The following CDYL2 variants were observed in gnomAD, a reference collection of about 807,000 sequenced individuals.
CDYL2 encodes the protein chromodomain Y-like protein 2.
Under a neutral mutation model 49.4 loss-of-function variants are expected in CDYL2, and 23 were observed. The ratio of observed to expected loss-of-function variants is 0.47; its 90% CI spans 0.34 to 0.66. The LOEUF is 0.66. CDYL2 is among the 30% of genes least tolerant of loss of function. The pLI is 0.01. For synonymous variants in CDYL2, 360 were observed against 268.8 expected (o/e 1.34, Z -3.32); for missense variants, 678 against 656.4 (o/e 1.03, Z -0.36).
chr16:80,611,628 C>A (rs527351428), intron 5 of CDYL2, among the ~76,000 whole-genome samples: 1 of 152,342 alleles, frequency 6.6e-6, no homozygotes, highest in South Asian at 2.1e-4. Flanking sequence ...GACAGTGGAA[C>A]CAGCCAGTTC....
chr16:80,616,115 G>C (rs1906816158), intron 4 of CDYL2, among the ~76,000 whole-genome samples: 2 of 152,220 alleles, frequency 1.3e-5, no homozygotes, highest in African/African-American at 2.4e-5. Flanking sequence ...TGATGTGGCA[G>C]AAGGAGCAAC....
intron 1 of CDYL2, chr16:80,738,682 T>C (rs181634684): frequency 2.6e-5 from 4 of 152,346 alleles, no homozygotes; most frequent in Admixed American, 2.6e-4. Flanking sequence ...ATGCTACAAT[T>C]AACTGTGGTG....
chr16:80,778,094 T>G (rs1907149600), intron 1 of CDYL2, among the ~76,000 whole-genome samples: 1 of 151,968 alleles, frequency 6.6e-6, no homozygotes, highest in Non-Finnish European at 1.5e-5. Context: ...CAAAAATGAA[T>G]GTAATAAAAT....
intron 5 of CDYL2, among the ~76,000 whole-genome samples, chr16:80,609,755 T>G (rs990805709): frequency 6.6e-6 from 1 of 152,114 alleles, no homozygotes; most frequent in Admixed American, 6.5e-5. Flanking sequence ...AGTGCCCTCT[T>G]TGAAGAGAGA....
intron 1 of CDYL2, among the ~76,000 whole-genome samples, chr16:80,748,639 G>T (rs1051014441): frequency 6.8e-6 from 1 of 146,370 alleles, no homozygotes; most frequent in African/African-American, 2.5e-5. Flanking sequence ...AAGAATTCTT[G>T]TGAAGAATAA....
intron 1 of CDYL2, among the ~76,000 whole-genome samples, chr16:80,765,757 T>C (rs978086214): frequency 2.0e-5 from 2 of 97,950 alleles, no homozygotes; most frequent in African/African-American, 7.9e-5. Context: ...AAAAAGGGAA[T>C]GGGGGCTGTG....
At chr16:80,775,571 T>C (rs375869888) in intron 1 of CDYL2, among the ~76,000 whole-genome samples, 2 of 151,406 alleles carry the variant, frequency 1.3e-5, no homozygotes, top group South Asian at 2.1e-4. Context: ...ATATAACTAC[T>C]AGAACACTTA....
At chr16:80,625,429 T>C (rs886123513) in intron 3 of CDYL2, among the ~76,000 whole-genome samples, 26 of 152,208 alleles carry the variant, frequency 1.7e-4, no homozygotes, top group South Asian at 4.1e-4. Context: ...CCAGGTAGTC[T>C]AGAATACTCT....
At chr16:80,702,911 A>G (rs1295864859) in intron 1 of CDYL2, among the ~76,000 whole-genome samples, 1 of 152,132 alleles carries the variant, frequency 6.6e-6, no homozygotes, top group African/African-American at 2.4e-5. Context: ...AAATCAACAG[A>G]GCTCACCCAC....
At chr16:80,705,704 A>G (rs1048144346) in intron 1 of CDYL2, among the ~76,000 whole-genome samples, 2 of 152,280 alleles carry the variant, frequency 1.3e-5, no homozygotes, top group Non-Finnish European at 2.9e-5. Context: ...TGAAGGCCAC[A>G]TGGTCTCTGT....
intron 1 of CDYL2, among the ~76,000 whole-genome samples, chr16:80,795,369 G>C (rs1013647535): frequency 6.6e-6 from 1 of 152,144 alleles, no homozygotes; most frequent in African/African-American, 2.4e-5. Context: ...ATTTGGCAGC[G>C]GTGGCCTTTA....
intron 3 of CDYL2, among the ~76,000 whole-genome samples, chr16:80,621,374 C>G (rs1907076763): frequency 6.6e-6 from 1 of 152,270 alleles, no homozygotes. Flanking sequence ...CCTTGCTCAT[C>G]TTTCCTCCAG....
rs1906666005 is a variant in CDYL2 at position 80,612,882 on chromosome 16, T to G, written c.1008-46A>C. On this transcript the variant is annotated intron_variant, in intron 4 of 6. Coordinates refer to ENST00000570137, the MANE Select transcript of CDYL2 (RefSeq NM_152342.4). This position sits in a 1 kb window ranked among gnomAD's most constrained non-coding sequence, Gnocchi z 5.0. ...TCTTGAACAGGTGACTATAGCATGC[T>G]AAGCCCCACTGGAACCCTTGACTCT... 7 of 1,504,318 alleles carry G rather than the reference T, an allele frequency of 4.7e-6. No homozygotes were observed. Among genetic ancestry groups the G allele is most frequent in the Non-Finnish European group, 5.4e-6 (6 of 1,110,642 alleles). The allele number at this position is 1,504,318 out of a possible 1,614,324, so 93.2% of individuals were successfully genotyped here. A position where few individuals can be genotyped will look rare whatever the true frequency, so the allele number is the denominator to read the frequency against.
chr16:80,738,966 G>C (rs577184934), intron 1 of CDYL2, among the ~76,000 whole-genome samples: 31 of 152,298 alleles, frequency 2.0e-4, no homozygotes, highest in African/African-American at 7.5e-4. Context: ...TAAAAGATCA[G>C]AGGAGTATTT....
Position 80,600,387 on chromosome 16 carries a change from T to A in CDYL2, c.*4001A>T, listed in dbSNP as rs1906029085. 1 of 152,212 alleles carries A rather than the reference T, an allele frequency of 6.6e-6. No individual in the cohort carries two copies. The highest frequency in any genetic ancestry group is 2.1e-4 in the South Asian group (1 of 4,830). The allele number at this position is 152,212 out of a possible 1,614,324, so 9.4% of individuals were successfully genotyped here. A position where few individuals can be genotyped will look rare whatever the true frequency, so the allele number is the denominator to read the frequency against. ...TGAAAATATATACTGTATTAAAGTC[T>A]GTAAGCATTTCAACCAAAATTTGCA... On this transcript the variant is annotated 3_prime_UTR_variant, in exon 7 of 7. Transcript: ENST00000570137.
At chr16:80,799,650 C>T (rs370854617) in intron 1 of CDYL2, among the ~76,000 whole-genome samples, 16 of 152,256 alleles carry the variant, frequency 1.1e-4, no homozygotes, top group Admixed American at 6.5e-5. Flanking sequence ...TGCAAGGAGC[C>T]GTATCAACTC....
rs182373911 is a variant in CDYL2, at chr16:80,771,923, A to G, written c.24+32227T>C. On this transcript the variant is annotated intron_variant, in intron 1 of 6. Transcript: ENST00000570137. ...ACTGCTTAGGAGACAAAGAGGATAC[A>G]GTGATGGAGAATAACTGCATATGAG... Among the ~76,000 whole-genome samples the G allele has an allele frequency of 1.1e-4, 17 of 152,312 alleles. No individual in the cohort carries two copies. In the East Asian group the frequency reaches 3.3e-3, roughly 29 times the overall value.
chr16:80,709,711 C>A (rs1458040350), intron 1 of CDYL2, among the ~76,000 whole-genome samples: 3 of 152,148 alleles, frequency 2.0e-5, no homozygotes, highest in African/African-American at 7.2e-5. Context: ...ACTAGCCCTT[C>A]TCACATCTAC....
chr16:80,667,304 G>A (rs929512860), intron 2 of CDYL2, among the ~76,000 whole-genome samples: 4 of 152,188 alleles, frequency 2.6e-5, no homozygotes, highest in African/African-American at 9.7e-5. Flanking sequence ...CGTGCAGGCT[G>A]CTCTAGAATT....
Sources: gnomAD v4.1 joint callset for allele counts (sites outside exome capture counted in the v4.1 genomes callset) on GRCh38, gnomAD v4.1.1 for gene constraint, Gnocchi (gnomAD v3.1) non-coding constraint, MANE v1.5 for transcripts, NCBI Gene and HGNC (gene_info 2026-07-23, HGNC 2026-07-21) for gene names.